DMD: variants seen among roughly 807,000 people sequenced by gnomAD.
DMD encodes dystrophin, also known as mutant dystrophin.
In DMD, 63 loss-of-function variants were observed where a neutral mutation model predicts 330.1. That is an observed-to-expected ratio of 0.19 (90% CI 0.16 to 0.24). The LOEUF is 0.24. DMD is among the 10% of genes least tolerant of loss of function. DMD has a pLI of 1.00. For synonymous variants in DMD, 1,223 were observed against 959.8 expected (o/e 1.27, Z -5.07); for missense variants, 3,344 against 2,684.1 (o/e 1.25, Z -5.43).
At chrX:31,531,957 C>G (rs1267799565) in intron 55 of DMD, among the ~76,000 whole-genome samples, 2 of 83,970 alleles carry the variant, frequency 2.4e-5, no homozygotes, top group Non-Finnish European at 4.5e-5. Context: ...AAGAAATGAG[C>G]AAAGCCTCCA....
intron 73 of DMD, among the ~76,000 whole-genome samples, chrX:31,170,587 T>C (rs1351548549): frequency 8.9e-6 from 1 of 111,839 alleles, no homozygotes; most frequent in East Asian, 2.8e-4. Flanking sequence ...AGTTGAAAAA[T>C]ATCAGAAATT....
intron 1 of DMD, among the ~76,000 whole-genome samples, chrX:33,321,660 C>T (rs1468228469): frequency 1.8e-5 from 2 of 111,100 alleles, no homozygotes; most frequent in African/African-American, 6.5e-5. Context: ...AAAAGAATCA[C>T]CCTGTCCTTT....
At chrX:31,701,228 A>G (rs1483950391) in intron 52 of DMD, among the ~76,000 whole-genome samples, 1 of 112,127 alleles carries the variant, frequency 8.9e-6, no homozygotes, top group Non-Finnish European at 1.9e-5. Flanking sequence ...TCATATCTAC[A>G]CCTTGCCACT....
chrX:31,432,948 T>C, intron 60 of DMD, among the ~76,000 whole-genome samples: 1 of 112,142 alleles, frequency 8.9e-6, no homozygotes, highest in Non-Finnish European at 1.9e-5. Flanking sequence ...GCAGGTTTAT[T>C]ACATGGGTAT....
rs776973513 is a variant in DMD at position 32,784,853 on chromosome X, A to G, written c.649+24640T>C. 4.5e-5 allele frequency among the ~76,000 whole-genome samples: 5 copies of G among 111,683 alleles called. No homozygotes were observed. In the South Asian group the frequency reaches 1.8e-3, roughly 41 times the overall value. On this transcript the variant is annotated intron_variant, in intron 7 of 78. Coordinates refer to ENST00000357033, the MANE Select transcript of DMD (RefSeq NM_004006.3). ...ATTAGTTCACATTCTGTCTTATATA[A>G]CAGTTACCTATATATTGTTTGTTGG...
chrX:32,252,365 C>A (rs1457895035), intron 43 of DMD, among the ~76,000 whole-genome samples: 1 of 108,664 alleles, frequency 9.2e-6, no homozygotes, highest in Admixed American at 1.0e-4. Context: ...ATTCATAGCA[C>A]CTACTGCGGC....
intron 2 of DMD, among the ~76,000 whole-genome samples, chrX:33,013,853 GTGTT>G (rs1421777392): frequency 1.8e-5 from 2 of 112,254 alleles, no homozygotes; most frequent in African/African-American, 6.5e-5. Context: ...GCGCGTGTGT[GTGTT>G]TGTGTGTACG....
chrX:32,371,848 T>A (rs944089366), intron 34 of DMD, among the ~76,000 whole-genome samples: 1 of 111,689 alleles, frequency 9.0e-6, no homozygotes, highest in Non-Finnish European at 1.9e-5. Flanking sequence ...CAGACTGTAG[T>A]AGGTGATAGA....
intron 47 of DMD, among the ~76,000 whole-genome samples, chrX:31,887,284 T>C (rs1169487503): frequency 1.8e-5 from 2 of 112,291 alleles, no homozygotes; most frequent in East Asian, 2.8e-4. Context: ...AGTGGGATGA[T>C]AGAGCCCTAT....
chrX:32,951,993 A>G (rs1433215248), intron 2 of DMD, among the ~76,000 whole-genome samples: 3 of 111,707 alleles, frequency 2.7e-5, no homozygotes, highest in Admixed American at 9.6e-5. Context: ...AAGATGTGCT[A>G]GTATAAAACA....
At chrX:33,063,840 C>G (rs765016195) in intron 1 of DMD, among the ~76,000 whole-genome samples, 1 of 111,693 alleles carries the variant, frequency 9.0e-6, no homozygotes, top group African/African-American at 3.2e-5. Flanking sequence ...CTACAATACA[C>G]ACACACACAA....
At chrX:33,223,052 G>C (rs756772302) in intron 1 of DMD, among the ~76,000 whole-genome samples, 1 of 112,092 alleles carries the variant, frequency 8.9e-6, no homozygotes, top group Non-Finnish European at 1.9e-5. Flanking sequence ...GCTCACACCT[G>C]TAATCCCAGC....
intron 44 of DMD, among the ~76,000 whole-genome samples, chrX:32,117,359 G>C (rs989922971): frequency 1.8e-5 from 2 of 111,732 alleles, no homozygotes; most frequent in Non-Finnish European, 3.8e-5. Context: ...CATGAGAATA[G>C]AAGTTCATTT....
intron 60 of DMD, 23 bp from the exon 61 acceptor site, chrX:31,348,657 G>T (rs1258755420): frequency 3.5e-6 from 4 of 1,144,822 alleles, no homozygotes; most frequent in Non-Finnish European, 4.8e-6. Flanking sequence ...GGAGAGAAAT[G>T]ATGTTCTCTC....
At chrX:33,305,381 C>T (rs769032639) in intron 1 of DMD, among the ~76,000 whole-genome samples, 32 of 89,249 alleles carry the variant, frequency 3.6e-4, no homozygotes, top group East Asian at 1.1e-3. Context: ...AACACATGGA[C>T]GCAGGAAGGG....
At chrX:31,818,609 C>T (rs2092687521) in intron 50 of DMD, among the ~76,000 whole-genome samples, 1 of 110,600 alleles carries the variant, frequency 9.0e-6, no homozygotes, top group African/African-American at 3.3e-5. Context: ...AGAAAACAGA[C>T]ACCAATAAAT....
chrX:31,808,048 T>G (rs1327050269), intron 50 of DMD, among the ~76,000 whole-genome samples: 1 of 111,939 alleles, frequency 8.9e-6, no homozygotes, highest in Non-Finnish European at 1.9e-5. Flanking sequence ...CAAAGAATAC[T>G]TGGCAAAATG....
At chrX:31,234,585 G>A (rs1239682435) in intron 63 of DMD, among the ~76,000 whole-genome samples, 1 of 111,925 alleles carries the variant, frequency 8.9e-6, no homozygotes, top group East Asian at 2.8e-4. Flanking sequence ...ATGCCTAACT[G>A]TGTACTAAGC....
chrX:31,128,142 T>G (rs1288967167), intron 77 of DMD, among the ~76,000 whole-genome samples: 1 of 111,425 alleles, frequency 9.0e-6, no homozygotes, highest in Non-Finnish European at 1.9e-5. Flanking sequence ...CACCCCTTCT[T>G]TTTGATTCCT....
Sources: gnomAD v4.1 joint callset for allele counts (sites outside exome capture counted in the v4.1 genomes callset) on GRCh38, gnomAD v4.1.1 for gene constraint, MANE v1.5 for transcripts, NCBI Gene and HGNC (gene_info 2026-07-23, HGNC 2026-07-21) for gene names.